The following CREB5 variants were observed in gnomAD, a reference collection of about 807,000 sequenced individuals.
CREB5 encodes the protein cyclic AMP-responsive element-binding protein 5.
CREB5 carries 19 observed loss-of-function variants against 57.1 expected under a neutral mutation model. The ratio of observed to expected loss-of-function variants is 0.33; its 90% CI spans 0.23 to 0.49. CREB5 has a LOEUF of 0.49. CREB5 is among the 20% of genes least tolerant of loss of function. The pLI is 0.99. For missense variants in CREB5, 579 were observed against 671.6 expected (o/e 0.86, Z 1.52); for synonymous variants, 238 against 238.3 (o/e 1.00, Z 0.01).
intron 1 of CREB5, among the ~76,000 whole-genome samples, chr7:28,457,246 T>A (rs1421128585): frequency 1.3e-5 from 2 of 152,220 alleles, no homozygotes; most frequent in Admixed American, 6.5e-5. Flanking sequence ...CAATGGCATA[T>A]AATTTCAACA....
intron 4 of CREB5, among the ~76,000 whole-genome samples, chr7:28,533,475 C>G (rs1391844024): frequency 6.6e-6 from 1 of 152,230 alleles, no homozygotes; most frequent in African/African-American, 2.4e-5. Context: ...CGTACCTGCA[C>G]TTTGCATGGA....
intron 7 of CREB5, among the ~76,000 whole-genome samples, chr7:28,734,847 G>T (rs1005693221): frequency 6.6e-6 from 1 of 151,996 alleles, no homozygotes; most frequent in Non-Finnish European, 1.5e-5. Flanking sequence ...TACATTATAG[G>T]TAATGTTGAA....
At chr7:28,766,704 C>T (rs1259989686) in intron 7 of CREB5, among the ~76,000 whole-genome samples, 1 of 152,120 alleles carries the variant, frequency 6.6e-6, no homozygotes, top group African/African-American at 2.4e-5. Flanking sequence ...GAAATGGAAA[C>T]CAGAATGGCC....
intron 5 of CREB5, among the ~76,000 whole-genome samples, chr7:28,694,015 T>G (rs1375687981): frequency 1.3e-5 from 2 of 152,320 alleles, no homozygotes; most frequent in East Asian, 3.9e-4. Flanking sequence ...AGGTTTCAGC[T>G]CTCACTTTAA....
intron 1 of CREB5, among the ~76,000 whole-genome samples, chr7:28,371,782 G>A (rs533658604): frequency 7.9e-5 from 12 of 152,256 alleles, no homozygotes; most frequent in Admixed American, 4.6e-4. Context: ...TTGCTTATGC[G>A]TGTCCTCCAG....
intron 4 of CREB5, among the ~76,000 whole-genome samples, chr7:28,527,046 T>C (rs1355079092): frequency 6.6e-6 from 1 of 152,178 alleles, no homozygotes; most frequent in African/African-American, 2.4e-5. Context: ...TTCCATTGTG[T>C]ATCTGAGGAG....
chr7:28,346,576 T>C (rs1270080921), intron 1 of CREB5, among the ~76,000 whole-genome samples: 2 of 152,210 alleles, frequency 1.3e-5, no homozygotes, highest in Non-Finnish European at 2.9e-5. Flanking sequence ...GCCAACTCCA[T>C]GGGGAAACTT....
chr7:28,483,257 A>G (rs1038432576), intron 1 of CREB5, among the ~76,000 whole-genome samples: 2 of 152,232 alleles, frequency 1.3e-5, no homozygotes, highest in African/African-American at 4.8e-5. Context: ...GGATTGCATG[A>G]GACATTGTGG....
intron 7 of CREB5, among the ~76,000 whole-genome samples, chr7:28,799,412 A>G (rs1177625273): frequency 6.6e-6 from 1 of 152,260 alleles, no homozygotes; most frequent in Non-Finnish European, 1.5e-5. Flanking sequence ...AAGCCCAATA[A>G]ACATTTGTTG....
At chr7:28,391,361 C>T (rs537220957) in intron 1 of CREB5, among the ~76,000 whole-genome samples, 1 of 152,328 alleles carries the variant, frequency 6.6e-6, no homozygotes, top group African/African-American at 2.4e-5. Flanking sequence ...TTTCCTCCAT[C>T]TTTTCTCACT....
chr7:28,330,401 C>CTTTTTTTTTT (rs10699932), intron 1 of CREB5, among the ~76,000 whole-genome samples: 53 of 88,492 alleles, frequency 6.0e-4, no homozygotes, highest in South Asian at 8.4e-4. Flanking sequence ...GAGAACCTTA[C>CTTTTTTTTTT]TTTTTTTTTT....
intron 1 of CREB5, among the ~76,000 whole-genome samples, chr7:28,323,455 C>CT (rs1476829069): frequency 6.6e-6 from 1 of 152,158 alleles, no homozygotes; most frequent in Admixed American, 6.5e-5. Context: ...AATTCTTTTA[C>CT]TTTTTTTCAG....
intron 1 of CREB5, among the ~76,000 whole-genome samples, chr7:28,301,405 G>C (rs540006615): frequency 2.2e-4 from 34 of 152,220 alleles, no homozygotes; most frequent in African/African-American, 7.7e-4. Flanking sequence ...AGATCACCTG[G>C]GGATCTTGTT....
At chr7:28,601,166 A>AT (rs1796904567) in intron 5 of CREB5, among the ~76,000 whole-genome samples, 1 of 149,610 alleles carries the variant, frequency 6.7e-6, no homozygotes, top group Admixed American at 6.6e-5. Flanking sequence ...CCTTATTATT[A>AT]TTATTTTTTT....
At chr7:28,762,270 A>G (rs1805704511) in intron 7 of CREB5, among the ~76,000 whole-genome samples, 1 of 152,226 alleles carries the variant, frequency 6.6e-6, no homozygotes, top group Admixed American at 6.5e-5. Context: ...AACATTTTAC[A>G]GAAAGAAATT....
chr7:28,718,029 G>C (rs1351519595), intron 5 of CREB5, among the ~76,000 whole-genome samples: 1 of 152,172 alleles, frequency 6.6e-6, no homozygotes, highest in Non-Finnish European at 1.5e-5. Context: ...CTCAAACTAT[G>C]TACAATACTC....
intron 1 of CREB5, among the ~76,000 whole-genome samples, chr7:28,310,014 G>T (rs183225177): frequency 6.6e-6 from 1 of 152,320 alleles, no homozygotes; most frequent in East Asian, 1.9e-4. Context: ...GGATGAAAGG[G>T]TTCATGGAGT....
chr7:28,706,708 AAAGTGGGAGAACTTGCAAG>A (rs1319565734), intron 5 of CREB5, among the ~76,000 whole-genome samples: 1 of 152,188 alleles, frequency 6.6e-6, no homozygotes, highest in Admixed American at 6.5e-5. Flanking sequence ...GTGCTCTTGC[AAAGTGGGAGAACTTGCAAG>A]GTAGCTCAGG....
chr7:28,680,076 C>G (rs754876978), intron 5 of CREB5, among the ~76,000 whole-genome samples: 13 of 152,234 alleles, frequency 8.5e-5, no homozygotes, highest in South Asian at 4.1e-4. Context: ...CCCTATGGCT[C>G]AACATTTAAG....
Sources: allele counts gnomAD v4.1 joint callset (sites outside exome capture counted in the v4.1 genomes callset), GRCh38; gene constraint gnomAD v4.1.1; transcripts MANE v1.5; gene names NCBI Gene and HGNC (gene_info 2026-07-23, HGNC 2026-07-21).